Variants in CTBP1 observed in about 807,000 individuals in gnomAD.
CTBP1 encodes C-terminal-binding protein 1.
Under a neutral mutation model 42.1 loss-of-function variants are expected in CTBP1, and 11 were observed. The observed-to-expected ratio is 0.26, with a 90% CI of 0.16 to 0.43. The LOEUF is 0.43. Among genes scored for constraint, CTBP1 ranks in the 20% least tolerant of loss-of-function variants. CTBP1 has a pLI of 1.00. For missense variants in CTBP1, 399 were observed against 624.3 expected (o/e 0.64, Z 3.85); for synonymous variants, 324 against 277.1 (o/e 1.17, Z -1.68).
intron 4 of CTBP1, among the ~76,000 whole-genome samples, chr4:1,226,166 A>AC (rs1004064354): frequency 4.0e-5 from 6 of 150,822 alleles, no homozygotes; most frequent in Non-Finnish European, 7.4e-5. Flanking sequence ...CCCATGTGTG[A>AC]CCCCTACTCC....
chr4:1,238,455 C>A lies in CTBP1; in HGVS notation c.8-118G>T, dbSNP rs367774402. Reference sequence around the variant, plus strand: ...GGCCGACCGCCGGGGGTTTTCTGGTCTATATGTTGTGATATTTGTAAAAAG... The same window carrying A: ...GGCCGACCGCCGGGGGTTTTCTGGTATATATGTTGTGATATTTGTAAAAAG... On this transcript the variant is annotated intron_variant, in intron 2 of 9. Coordinates refer to ENST00000382952, the MANE Select transcript of CTBP1 (RefSeq NM_001012614.2). This position sits in a 1 kb window ranked among gnomAD's most constrained non-coding sequence, Gnocchi z 5.9. 1.7e-3 allele frequency: 2,076 copies of A among 1,210,910 alleles called. 13 individuals are homozygous for A. The highest frequency in any genetic ancestry group is 9.6e-3 in the South Asian group (589 of 61,122). The allele number at this position is 1,210,910 out of a possible 1,614,324, so 75.0% of individuals were successfully genotyped here. A position where few individuals can be genotyped will look rare whatever the true frequency, so the allele number is the denominator to read the frequency against.
At chr4:1,242,930 C>CGCCAGCCGATACTCATCAAT (rs1351051390) in intron 1 of CTBP1, 9 of 985,128 alleles carry the variant, frequency 9.1e-6, no homozygotes, top group Middle Eastern at 5.2e-4. Flanking sequence ...TACTCATCAA[C>CGCCAGCCGATACTCATCAAT]GCCAGCCGAT....
At chr4:1,213,733 C>T in intron 7 of CTBP1, 128 bp from the exon 8 acceptor site, 1 of 1,253,162 alleles carries the variant, frequency 8.0e-7, no homozygotes, top group Non-Finnish European at 1.1e-6. Flanking sequence ...CGGCCCTGCT[C>T]TGCTCGGCAG....
chr4:1,246,703 C>A (rs1732754999), intron 1 of CTBP1, among the ~76,000 whole-genome samples: 2 of 152,202 alleles, frequency 1.3e-5, no homozygotes, highest in South Asian at 2.1e-4. Context: ...AGGAGAAAAA[C>A]CAGAAAAACT....
At chr4:1,226,469 A>C (rs779855143) in intron 4 of CTBP1, among the ~76,000 whole-genome samples, 2 of 151,816 alleles carry the variant, frequency 1.3e-5, no homozygotes, top group African/African-American at 2.4e-5. Context: ...GGGGCGGCGC[A>C]GGCAGGGGCT....
At chr4:1,240,036 GCT>G (rs1350639477) in intron 2 of CTBP1, among the ~76,000 whole-genome samples, 1 of 152,234 alleles carries the variant, frequency 6.6e-6, no homozygotes, top group Non-Finnish European at 1.5e-5. Flanking sequence ...ATAGACATCC[GCT>G]CTCAGTATCC....
chr4:1,234,133 T>C (rs1363585362), intron 3 of CTBP1, among the ~76,000 whole-genome samples: 3 of 152,108 alleles, frequency 2.0e-5, no homozygotes, highest in African/African-American at 7.2e-5. Context: ...GGCAGCCAAG[T>C]CCTCCCACAG....
At chr4:1,220,858 T>C (rs1413387706) in intron 5 of CTBP1, among the ~76,000 whole-genome samples, 2 of 152,108 alleles carry the variant, frequency 1.3e-5, no homozygotes, top group Non-Finnish European at 2.9e-5. Context: ...GACCTAGAGG[T>C]AGAAGCTTCC....
chr4:1,232,165 T>A (rs1461911742), intron 3 of CTBP1, among the ~76,000 whole-genome samples: 1 of 152,234 alleles, frequency 6.6e-6, no homozygotes. Context: ...GGCCTTGGCC[T>A]CTGGATACGC....
chr4:1,229,063 G>A (rs1730691888), intron 3 of CTBP1, among the ~76,000 whole-genome samples: 1 of 152,200 alleles, frequency 6.6e-6, no homozygotes, highest in African/African-American at 2.4e-5. Flanking sequence ...CTGGCACACA[G>A]CACAGCAGCC....
In CTBP1 at chr4:1,235,102, G is replaced by T. The variant is rs1328630555; in HGVS notation, c.162+3081C>A. The T allele has an allele frequency of 2.0e-5, 3 of 152,226 alleles. No individual in the cohort carries two copies. The highest frequency in any genetic ancestry group is 7.2e-5 in the African/African-American group (3 of 41,436). The allele number at this position is 152,226 out of a possible 1,614,324, so 9.4% of individuals were successfully genotyped here. A position where few individuals can be genotyped will look rare whatever the true frequency, so the allele number is the denominator to read the frequency against. ...GCCTGTTGCTGAGGAGGACACCGAGGGAGGTGGCCAGCATTTGCCTGGCCA... is the reference window on the plus strand; with the variant it reads ...GCCTGTTGCTGAGGAGGACACCGAGTGAGGTGGCCAGCATTTGCCTGGCCA... On this transcript the variant is annotated intron_variant, in intron 3 of 9. Coordinates refer to ENST00000382952, the MANE Select transcript of CTBP1 (RefSeq NM_001012614.2). The surrounding 1 kb of genome is among the most constrained non-coding windows in gnomAD (Gnocchi z 4.2).
chr4:1,241,453 C>A lies in CTBP1; in HGVS notation c.-122G>T. 1 of 1,593,476 alleles carries A rather than the reference C, an allele frequency of 6.3e-7. No homozygotes were observed. The highest frequency in any genetic ancestry group is 1.1e-5 in the South Asian group (1 of 90,596). On this transcript the variant is annotated 5_prime_UTR_variant, in exon 2 of 10. Transcript: ENST00000382952. ...CCTCATCCCACGTCCTTAATTGTCT[C>A]GAGCCAAAGTGCTCAGGCTTCTGAT...
At chr4:1,231,327 G>T (rs1730949875) in intron 3 of CTBP1, among the ~76,000 whole-genome samples, 1 of 152,234 alleles carries the variant, frequency 6.6e-6, no homozygotes, top group South Asian at 2.1e-4. Flanking sequence ...GTGCAGCCAG[G>T]TGTGTCCCTT....
chr4:1,228,933 C>A (rs1392457559), intron 3 of CTBP1, among the ~76,000 whole-genome samples: 1 of 152,250 alleles, frequency 6.6e-6, no homozygotes, highest in Non-Finnish European at 1.5e-5. Flanking sequence ...CAAGAACCTG[C>A]CCAGAAATGC....
chr4:1,213,146 C>A lies in CTBP1; in HGVS notation c.989-116G>T. ...TTGGCAGTGTGCTCCTCCCTCTCAGCCCCGGGGCTCCCAAGGCACGGCAGG... is the reference window on the plus strand; with the variant it reads ...TTGGCAGTGTGCTCCTCCCTCTCAGACCCGGGGCTCCCAAGGCACGGCAGG... On this transcript the variant is annotated intron_variant, in intron 8 of 9. Transcript: ENST00000382952. 3 of 930,134 alleles carry A rather than the reference C, an allele frequency of 3.2e-6. No individual in the cohort carries two copies. In the South Asian group the frequency reaches 4.6e-5, roughly 14 times the overall value. The allele number at this position is 930,134 out of a possible 1,614,324, so 57.6% of individuals were successfully genotyped here.
At position 1,248,916 on chromosome 4, in the gene CTBP1, C is replaced by T; in HGVS notation, c.-189G>A. On this transcript the variant is annotated splice_region_variant and 5_prime_UTR_variant, in exon 1 of 10. Coordinates refer to ENST00000382952, the MANE Select transcript of CTBP1 (RefSeq NM_001012614.2). ...GAAACGCGCGCGCGCGCGGCCTTAC[C>T]AAGCGGCAGGCCCTTGTTGAGCAAG... 1 of 996,386 alleles carries T rather than the reference C, an allele frequency of 1.0e-6. No homozygotes were observed. Among genetic ancestry groups the T allele is most frequent in the Non-Finnish European group, 1.2e-6 (1 of 834,022 alleles). 61.7% of individuals were successfully genotyped at this position (996,386 alleles called of 1,614,324 possible).
At chr4:1,247,459 G>A (rs1241578036) in intron 1 of CTBP1, among the ~76,000 whole-genome samples, 1 of 152,152 alleles carries the variant, frequency 6.6e-6, no homozygotes, top group Non-Finnish European at 1.5e-5. Flanking sequence ...GGCCCGGGCA[G>A]GCAGGGGAGA....
chr4:1,235,722 T>C lies in CTBP1; in HGVS notation c.162+2461A>G, dbSNP rs1731429072. The C allele has an allele frequency of 6.6e-6, 1 of 152,262 alleles. No homozygotes were observed. Among genetic ancestry groups the C allele is most frequent in the Admixed American group, 6.5e-5 (1 of 15,278 alleles). 9.4% of individuals were successfully genotyped at this position (152,262 alleles called of 1,614,324 possible). A position where few individuals can be genotyped will look rare whatever the true frequency, so the allele number is the denominator to read the frequency against. On this transcript the variant is annotated intron_variant, in intron 3 of 9. Transcript: ENST00000382952. This position sits in a 1 kb window ranked among gnomAD's most constrained non-coding sequence, Gnocchi z 4.2. Reference sequence around the variant, plus strand: ...CACGGGGAGCTCCTGCGGGTGGCACTGCTTCCCTGGCTTCTGCGTTTTGCG... The same window carrying C: ...CACGGGGAGCTCCTGCGGGTGGCACCGCTTCCCTGGCTTCTGCGTTTTGCG...
chr4:1,222,322 C>T (rs1729832271), intron 5 of CTBP1, among the ~76,000 whole-genome samples: 1 of 152,110 alleles, frequency 6.6e-6, no homozygotes, highest in Admixed American at 6.5e-5. Context: ...GGGCTCGTGT[C>T]CCTAAGGACA....
Sources: allele counts gnomAD v4.1 joint callset (sites outside exome capture counted in the v4.1 genomes callset), GRCh38; gene constraint gnomAD v4.1.1; non-coding constraint Gnocchi (gnomAD v3.1); transcripts MANE v1.5; gene names NCBI Gene and HGNC (gene_info 2026-07-23, HGNC 2026-07-21).